Variants in RCAN2 observed in about 807,000 individuals in gnomAD.
RCAN2 encodes the protein calcipressin-2.
Under a neutral mutation model 23.6 loss-of-function variants are expected in RCAN2, and 9 were observed. That is an observed-to-expected ratio of 0.38 (90% CI 0.23 to 0.67). RCAN2 has a LOEUF of 0.67. RCAN2 is among the 30% of genes least tolerant of loss of function. The pLI is 0.51. For synonymous variants in RCAN2, 109 were observed against 115.7 expected, an observed-to-expected ratio of 0.94 and a Z score of 0.37; for missense variants, 273 against 302.3, an observed-to-expected ratio of 0.90 and a Z score of 0.72.
At chr6:46,233,895 T>C (rs2081282515) in intron 4 of RCAN2, among the ~76,000 whole-genome samples, 1 of 151,914 alleles carries the variant, frequency 6.6e-6, no homozygotes, top group African/African-American at 2.4e-5. Flanking sequence ...ACCCGGCTAA[T>C]TTTTTGTATT....
intron 2 of RCAN2, among the ~76,000 whole-genome samples, chr6:46,304,368 A>G (rs1221714467): frequency 6.6e-6 from 1 of 152,126 alleles, no homozygotes; most frequent in East Asian, 1.9e-4. Flanking sequence ...TCCAGACTGT[A>G]GCTTTCCTTT....
At chr6:46,486,476 T>C (rs138631116) in intron 1 of RCAN2, among the ~76,000 whole-genome samples, 25 of 152,310 alleles carry the variant, frequency 1.6e-4, no homozygotes, top group African/African-American at 6.0e-4. Flanking sequence ...TTATACTTCA[T>C]TCCCAACACT....
chr6:46,388,676 T>C (rs1174628063), intron 2 of RCAN2, among the ~76,000 whole-genome samples: 2 of 152,178 alleles, frequency 1.3e-5, no homozygotes, highest in African/African-American at 4.8e-5. Context: ...AAAGCCATCA[T>C]CCTCAGCAAA....
At chr6:46,290,105 A>G (rs1290086346) in intron 2 of RCAN2, among the ~76,000 whole-genome samples, 1 of 152,042 alleles carries the variant, frequency 6.6e-6, no homozygotes, top group African/African-American at 2.4e-5. Flanking sequence ...CCGACCCTCC[A>G]TGGACTGCCA....
At chr6:46,314,891 T>C (rs1030790963) in intron 2 of RCAN2, among the ~76,000 whole-genome samples, 2 of 152,170 alleles carry the variant, frequency 1.3e-5, no homozygotes, top group Non-Finnish European at 2.9e-5. Context: ...AAAAACCCTG[T>C]CGCTACAAAA....
chr6:46,421,085 T>C (rs1178589197), intron 2 of RCAN2, among the ~76,000 whole-genome samples: 2 of 152,194 alleles, frequency 1.3e-5, no homozygotes, highest in Non-Finnish European at 2.9e-5. Context: ...TGAAATGAGA[T>C]AACATTTTTT....
intron 2 of RCAN2, among the ~76,000 whole-genome samples, chr6:46,329,137 C>T (rs777668207): frequency 7.2e-5 from 11 of 152,310 alleles, no homozygotes; most frequent in South Asian, 2.1e-4. Flanking sequence ...CTTCCAAGCT[C>T]ATTCCCATCT....
At chr6:46,245,253 T>A (rs1225994192) in intron 4 of RCAN2, among the ~76,000 whole-genome samples, 1 of 152,214 alleles carries the variant, frequency 6.6e-6, no homozygotes, top group Non-Finnish European at 1.5e-5. Context: ...GATGTGATGG[T>A]GATTACAAGG....
At chr6:46,345,361 T>C (rs1309781945) in intron 2 of RCAN2, among the ~76,000 whole-genome samples, 2 of 152,068 alleles carry the variant, frequency 1.3e-5, no homozygotes, top group Non-Finnish European at 2.9e-5. Context: ...TCAGAAAAGA[T>C]GAAGATTTGA....
chr6:46,314,804 T>C (rs939174864), intron 2 of RCAN2, among the ~76,000 whole-genome samples: 1 of 152,186 alleles, frequency 6.6e-6, no homozygotes, highest in Non-Finnish European at 1.5e-5. Flanking sequence ...TCGCTGTCTG[T>C]AATCCTAGCA....
At chr6:46,441,701 A>G (rs185134794) in intron 2 of RCAN2, among the ~76,000 whole-genome samples, 2 of 152,346 alleles carry the variant, frequency 1.3e-5, no homozygotes, top group Admixed American at 1.3e-4. Context: ...GTCAGGCTAT[A>G]TGATAGAACA....
At chr6:46,305,730 A>G (rs1763042494) in intron 2 of RCAN2, among the ~76,000 whole-genome samples, 1 of 151,978 alleles carries the variant, frequency 6.6e-6, no homozygotes, top group South Asian at 2.1e-4. Context: ...AGCTGAAAAT[A>G]TTTCTCCATA....
chr6:46,402,532 T>C (rs1766279260), intron 2 of RCAN2, among the ~76,000 whole-genome samples: 1 of 152,140 alleles, frequency 6.6e-6, no homozygotes, highest in African/African-American at 2.4e-5. Context: ...TGCCTTCCCA[T>C]GTAAAACTGG....
At chr6:46,277,810 C>T (rs575628527) in intron 2 of RCAN2, among the ~76,000 whole-genome samples, 137 of 152,156 alleles carry the variant, frequency 9.0e-4, no homozygotes, top group African/African-American at 3.3e-3. Flanking sequence ...TCAGTAGCTA[C>T]TCCTCCCATG....
intron 2 of RCAN2, among the ~76,000 whole-genome samples, chr6:46,365,611 T>A (rs1765150845): frequency 6.6e-6 from 1 of 152,204 alleles, no homozygotes; most frequent in Non-Finnish European, 1.5e-5. Flanking sequence ...GACAAAATAT[T>A]GCTATCCTTC....
At chr6:46,269,244 C>A (rs571822141) in intron 2 of RCAN2, among the ~76,000 whole-genome samples, 2 of 152,260 alleles carry the variant, frequency 1.3e-5, no homozygotes, top group South Asian at 4.1e-4. Flanking sequence ...TGTCTTTTGA[C>A]TCTGTATTCT....
intron 1 of RCAN2, among the ~76,000 whole-genome samples, chr6:46,480,275 G>A (rs1768823186): frequency 6.6e-6 from 1 of 152,200 alleles, no homozygotes; most frequent in African/African-American, 2.4e-5. Context: ...TTACCTCACA[G>A]GTTTGTCGAG....
intron 2 of RCAN2, among the ~76,000 whole-genome samples, chr6:46,298,150 T>C (rs59046233): frequency 6.6e-6 from 1 of 152,138 alleles, no homozygotes; most frequent in African/African-American, 2.4e-5. Context: ...GTTTCTAAAA[T>C]GCAATTATCT....
At chr6:46,354,652 C>T (rs1764767714) in intron 2 of RCAN2, among the ~76,000 whole-genome samples, 1 of 152,220 alleles carries the variant, frequency 6.6e-6, no homozygotes, top group Non-Finnish European at 1.5e-5. Flanking sequence ...TCTTTTAAAG[C>T]TCCCAGGTGA....
Sources: allele counts gnomAD v4.1 joint callset (sites outside exome capture counted in the v4.1 genomes callset), GRCh38; gene constraint gnomAD v4.1.1; transcripts MANE v1.5; gene names NCBI Gene and HGNC (gene_info 2026-07-23, HGNC 2026-07-21).